The following SMYD2 variants were observed in gnomAD, a reference collection of about 807,000 sequenced individuals.
SMYD2 encodes the protein SET and MYND domain containing 2.
SMYD2 carries 53 observed loss-of-function variants against 59.1 expected under a neutral mutation model. The ratio of observed to expected loss-of-function variants is 0.90; its 90% CI spans 0.72 to 1.13. SMYD2 has a LOEUF of 1.13. Among genes scored for constraint, SMYD2 ranks in the 50% most tolerant of loss-of-function variants. The probability of loss-of-function intolerance (pLI) is 0.00; values close to 1 mark genes in which losing one functional copy is unlikely to be tolerated. For synonymous variants in SMYD2, 208 were observed against 198.8 expected (o/e 1.05, Z -0.39); for missense variants, 494 against 544.7 (o/e 0.91, Z 0.93).
At chr1:214,304,729 G>A (rs955319136) in intron 1 of SMYD2, among the ~76,000 whole-genome samples, 1 of 152,182 alleles carries the variant, frequency 6.6e-6, no homozygotes, top group Non-Finnish European at 1.5e-5. Context: ...TTTCACCAGA[G>A]TAGGTGCACC....
intron 10 of SMYD2, chr1:214,332,671 C>T (rs1657374597): frequency 6.5e-6 from 1 of 152,936 alleles, no homozygotes; most frequent in Non-Finnish European, 1.5e-5. Flanking sequence ...TCTCCCCACC[C>T]CAGGTTTGGA....
At position 214,281,287 on chromosome 1, in the gene SMYD2, CT is replaced by C. The variant is rs777545747; in HGVS notation, c.35del (p.Phe12SerfsTer95). ...RAEGLGGLER[F>X]CSPGKGRGLR... The stretch of plus-strand genomic sequence containing the variant: ...CCGAGGGCCTCGGCGGCCTGGAGCG[CT>C]TCTGCAGCCCGGGCAAAGGCCGGGG... On this transcript the variant is annotated frameshift_variant, in exon 1 of 12. Coordinates refer to ENST00000366957, the MANE Select transcript of SMYD2 (RefSeq NM_020197.3). LOFTEE classifies it high-confidence loss of function. The C allele has an allele frequency of 7.5e-7, 1 of 1,338,500 alleles. No individual in the cohort carries two copies. The highest frequency in any genetic ancestry group is 9.6e-7 in the Non-Finnish European group (1 of 1,036,724). 82.9% of individuals were successfully genotyped at this position (1,338,500 alleles called of 1,614,324 possible). A position where few individuals can be genotyped will look rare whatever the true frequency, so the allele number is the denominator to read the frequency against.
intron 3 of SMYD2, among the ~76,000 whole-genome samples, chr1:214,316,507 AC>A (rs1414694865): frequency 3.3e-5 from 5 of 151,774 alleles, no homozygotes; most frequent in South Asian, 2.1e-4. Flanking sequence ...AAAAAAAAAA[AC>A]AAACTGAAAT....
In SMYD2 at chr1:214,336,705, C is replaced by T. The variant is rs768069244; in HGVS notation, c.1223C>T (p.Ala408Val). The change falls in exon 12 of 12, where the codon GCC becomes GTC. Residue 408 changes from alanine to valine, a missense_variant and splice_region_variant. By Grantham distance (64) the Ala-to-Val change is moderately conservative. Coordinates refer to ENST00000366957, the MANE Select transcript of SMYD2 (RefSeq NM_020197.3). The part of the protein sequence containing the change: ...KAAGEKALKK[A>V]IAIMEVAHGK... The stretch of plus-strand genomic sequence containing the variant: ...ATTGTTTGTCTTGCTTTTTCCTAGG[C>T]CATTGCAATCATGGAAGTAGCTCAC... The T allele has an allele frequency of 1.9e-6, 3 of 1,613,238 alleles. No individual in the cohort carries two copies. Among genetic ancestry groups the T allele is most frequent in the African/African-American group, 1.3e-5 (1 of 74,842 alleles).
intron 8 of SMYD2, 125 bp downstream of exon 8, chr1:214,330,403 A>C (rs1657333080): frequency 1.7e-6 from 1 of 598,856 alleles, no homozygotes; most frequent in East Asian, 2.8e-5. Flanking sequence ...CCTCCTTACA[A>C]AGACAGCCAA....
intron 1 of SMYD2, among the ~76,000 whole-genome samples, chr1:214,300,278 A>G (rs1656800302): frequency 6.6e-6 from 1 of 152,192 alleles, no homozygotes; most frequent in Non-Finnish European, 1.5e-5. Flanking sequence ...CCTAGAGCAC[A>G]TGATCCAGCT....
chr1:214,320,059 G>A (rs1657145778), intron 5 of SMYD2, among the ~76,000 whole-genome samples: 1 of 152,166 alleles, frequency 6.6e-6, no homozygotes, highest in East Asian at 1.9e-4. Flanking sequence ...AAGAAGGAAG[G>A]AGGAAAGGAG....
Position 214,333,721 on chromosome 1 carries a change from A to C in SMYD2, c.1113-479A>C, listed in dbSNP as rs562009260. 1.4e-4 allele frequency: 17 copies of C among 121,636 alleles called. 1 individual carries two copies. The East Asian group carries it at 4.6e-3, about 33-fold the overall frequency. 7.5% of individuals were successfully genotyped at this position (121,636 alleles called of 1,614,324 possible). A position where few individuals can be genotyped will look rare whatever the true frequency, so the allele number is the denominator to read the frequency against. ...AGCACTTAACTGTTTTGCTAAACCAACCCATATCATAGTGTGACAGAAAGC... is the reference window on the plus strand; with the variant it reads ...AGCACTTAACTGTTTTGCTAAACCACCCCATATCATAGTGTGACAGAAAGC... On this transcript the variant is annotated intron_variant, in intron 10 of 11. Transcript: ENST00000366957.
intron 1 of SMYD2, among the ~76,000 whole-genome samples, chr1:214,293,100 T>C (rs1656664985): frequency 6.6e-6 from 1 of 151,790 alleles, no homozygotes; most frequent in South Asian, 2.1e-4. Flanking sequence ...TCACCCAGGC[T>C]GGAGTGCAAT....
At chr1:214,330,321 C>G in intron 8 of SMYD2, 43 bp downstream of exon 8, 1 of 1,314,196 alleles carries the variant, frequency 7.6e-7, no homozygotes, top group Non-Finnish European at 1.1e-6. Context: ...GCACTCTGAT[C>G]TCAGGACCTC....
At chr1:214,284,741 C>T (rs1656508387) in intron 1 of SMYD2, among the ~76,000 whole-genome samples, 1 of 152,082 alleles carries the variant, frequency 6.6e-6, no homozygotes, top group South Asian at 2.1e-4. Context: ...GTCTCGAACT[C>T]CTGACCTCAA....
intron 5 of SMYD2, among the ~76,000 whole-genome samples, chr1:214,323,612 T>C (rs1657206964): frequency 6.6e-6 from 1 of 152,118 alleles, no homozygotes; most frequent in East Asian, 1.9e-4. Flanking sequence ...AGCTAATTTT[T>C]GTATTTTTAG....
intron 1 of SMYD2, among the ~76,000 whole-genome samples, chr1:214,300,319 T>C (rs1656801093): frequency 6.6e-6 from 1 of 152,138 alleles, no homozygotes; most frequent in African/African-American, 2.4e-5. Flanking sequence ...TGGAGAAACA[T>C]GTAGGCTCAC....
At chr1:214,302,046 A>G (rs1656832324) in intron 1 of SMYD2, among the ~76,000 whole-genome samples, 1 of 152,184 alleles carries the variant, frequency 6.6e-6, no homozygotes, top group East Asian at 1.9e-4. Flanking sequence ...GGCAGTAAAG[A>G]ATACAGTGTT....
intron 1 of SMYD2, among the ~76,000 whole-genome samples, chr1:214,290,114 T>A (rs1271667488): frequency 6.6e-6 from 1 of 152,208 alleles, no homozygotes; most frequent in African/African-American, 2.4e-5. Context: ...CCTATTCAAT[T>A]GCAAAGGCGT....
Position 214,281,214 on chromosome 1 carries a change from C to A in SMYD2, c.-41C>A, listed in dbSNP as rs1656434067. 13 of 1,219,122 alleles carry A rather than the reference C, an allele frequency of 1.1e-5. No homozygotes were observed. Among genetic ancestry groups the A allele is most frequent in the Non-Finnish European group, 1.3e-5 (13 of 975,454 alleles). 75.5% of individuals were successfully genotyped at this position (1,219,122 alleles called of 1,614,324 possible). A position where few individuals can be genotyped will look rare whatever the true frequency, so the allele number is the denominator to read the frequency against. ...TCTCCAATAACAGCTCGCCGGGAGC[C>A]GCAGCTCGGGCACAGCCGGCGGCCG... On this transcript the variant is annotated 5_prime_UTR_variant, in exon 1 of 12. Transcript: ENST00000366957.
chr1:214,303,320 A>G (rs1424553077), intron 1 of SMYD2, among the ~76,000 whole-genome samples: 1 of 152,106 alleles, frequency 6.6e-6, no homozygotes, highest in African/African-American at 2.4e-5. Context: ...CACAGTGCAC[A>G]TCACGCAGCG....
In SMYD2 at chr1:214,313,529, C is replaced by G. The variant is rs548229991; in HGVS notation, c.238-1233C>G. 1.6e-3 allele frequency among the ~76,000 whole-genome samples: 248 copies of G among 151,738 alleles called. 1 individual carries two copies. Among genetic ancestry groups the G allele is most frequent in the African/African-American group, 5.7e-3 (235 of 41,392 alleles). On this transcript the variant is annotated intron_variant, in intron 2 of 11. Coordinates refer to ENST00000366957, the MANE Select transcript of SMYD2 (RefSeq NM_020197.3). ...TTCCCATCTAAAAAAAAAAAAAAGT[C>G]CCCCGCAACTTTTCACTACTCTAAG... is the stretch of plus-strand genomic sequence containing the variant.
intron 5 of SMYD2, among the ~76,000 whole-genome samples, chr1:214,324,100 T>C (rs1048330896): frequency 3.3e-5 from 5 of 152,022 alleles, no homozygotes; most frequent in African/African-American, 1.2e-4. Context: ...GATAATTTTG[T>C]ATTTGTATTT....
Sources: gnomAD v4.1 joint callset for allele counts (sites outside exome capture counted in the v4.1 genomes callset) on GRCh38, gnomAD v4.1.1 for gene constraint, MANE v1.5 for transcripts, NCBI Gene and HGNC (gene_info 2026-07-23, HGNC 2026-07-21) for gene names.